CCDC3: variants seen among roughly 807,000 people sequenced by gnomAD.
CCDC3 encodes coiled-coil domain containing 3.
In CCDC3, 24 loss-of-function variants were observed where a neutral mutation model predicts 21.4. The ratio of observed to expected loss-of-function variants is 1.12; its 90% confidence interval spans 0.81 to 1.58. CCDC3 has a LOEUF of 1.58. Among genes scored for constraint, CCDC3 ranks in the 40% most tolerant of loss-of-function variants. The pLI is 0.00. For missense variants in CCDC3, 425 were observed against 360.9 expected (o/e 1.18, Z -1.44); for synonymous variants, 186 against 166.0 (o/e 1.12, Z -0.93).
chr10:12,954,846 T>A (rs985169102), intron 2 of CCDC3, among the ~76,000 whole-genome samples: 18 of 152,148 alleles, frequency 1.2e-4, no homozygotes, highest in African/African-American at 4.3e-4. Context: ...ATGAGCCCAG[T>A]TATAATCCAA....
intron 4 of CCDC3, among the ~76,000 whole-genome samples, chr10:13,057,528 C>CT (rs939410910): frequency 6.6e-6 from 1 of 151,942 alleles, no homozygotes; most frequent in African/African-American, 2.4e-5. Context: ...CTATTACTTG[C>CT]TTTTTTTCTT....
chr10:13,052,964 A>ACACT (rs1836629738), intron 4 of CCDC3, among the ~76,000 whole-genome samples: 1 of 127,700 alleles, frequency 7.8e-6, no homozygotes, highest in Non-Finnish European at 1.7e-5. Context: ...ACACACACAC[A>ACACT]CACACACACA....
At chr10:12,900,380 T>C (rs776101734) in intron 2 of CCDC3, among the ~76,000 whole-genome samples, 10 of 151,820 alleles carry the variant, frequency 6.6e-5, no homozygotes, top group Non-Finnish European at 1.3e-4. Flanking sequence ...TGCTTAGAAA[T>C]CTCCATCATT....
intron 2 of CCDC3, among the ~76,000 whole-genome samples, chr10:12,975,070 C>G (rs1835395790): frequency 6.6e-6 from 1 of 152,180 alleles, no homozygotes; most frequent in Non-Finnish European, 1.5e-5. Context: ...AGCCAGGAGT[C>G]TCGTCCATGC....
intron 2 of CCDC3, among the ~76,000 whole-genome samples, chr10:12,995,605 C>T (rs1835749091): frequency 6.6e-6 from 1 of 152,140 alleles, no homozygotes; most frequent in Non-Finnish European, 1.5e-5. Flanking sequence ...GGAGTAAAAA[C>T]GGCACAAGCA....
intron 5 of CCDC3, among the ~76,000 whole-genome samples, chr10:13,008,470 T>C (rs533604371): frequency 6.6e-6 from 1 of 152,174 alleles, no homozygotes; most frequent in South Asian, 2.1e-4. Flanking sequence ...AGCTATGGGA[T>C]GGGAGTAGTG....
chr10:13,041,889 A>G (rs11258154), intron 5 of CCDC3, among the ~76,000 whole-genome samples: 79,885 of 149,586 alleles, frequency 0.53, 21,984 homozygotes, highest in East Asian at 0.63. Flanking sequence ...AACCTACCAA[A>G]GTGCTGGGAT....
chr10:13,023,105 C>T (rs1027872060), intron 5 of CCDC3, among the ~76,000 whole-genome samples: 1 of 151,216 alleles, frequency 6.6e-6, no homozygotes, highest in African/African-American at 2.4e-5. Context: ...TTGCACAAAA[C>T]AGCCCTTTTC....
chr10:12,899,089 G>T (rs1231731529), intron 2 of CCDC3, among the ~76,000 whole-genome samples: 1 of 152,042 alleles, frequency 6.6e-6, no homozygotes, highest in African/African-American at 2.4e-5. Context: ...ACTTACATTC[G>T]CGAAGGCTCT....
At chr10:12,996,035 T>A (rs1019356940) in intron 2 of CCDC3, among the ~76,000 whole-genome samples, 2 of 152,142 alleles carry the variant, frequency 1.3e-5, no homozygotes, top group Admixed American at 6.5e-5. Flanking sequence ...TATATAGTCA[T>A]ATAAACAAAG....
At chr10:13,060,154 CAAA>C (rs1439890412) in intron 4 of CCDC3, among the ~76,000 whole-genome samples, 1 of 89,988 alleles carries the variant, frequency 1.1e-5, no homozygotes, top group African/African-American at 5.9e-5. Flanking sequence ...TCATCAGAAA[CAAA>C]ACAAAACAAA....
intron 4 of CCDC3, among the ~76,000 whole-genome samples, chr10:13,069,192 T>C (rs1836855395): frequency 6.6e-6 from 1 of 152,162 alleles, no homozygotes; most frequent in Non-Finnish European, 1.5e-5. Flanking sequence ...GAGGCAGAGG[T>C]TGCGGTGAGC....
intron 2 of CCDC3, among the ~76,000 whole-genome samples, chr10:12,919,639 A>C (rs536574846): frequency 6.6e-6 from 1 of 152,000 alleles, no homozygotes; most frequent in South Asian, 2.1e-4. Context: ...ACACTCTTTA[A>C]AGGGATTATC....
At chr10:12,915,959 ACCTGGAGCCATGGGGGCTAG>A (rs1393609112) in intron 2 of CCDC3, among the ~76,000 whole-genome samples, 1 of 152,018 alleles carries the variant, frequency 6.6e-6, no homozygotes, top group Non-Finnish European at 1.5e-5. Flanking sequence ...GAGCCTGGGT[ACCTGGAGCCATGGGGGCTAG>A]TCTGGAGCCT....
At chr10:13,068,619 G>C (rs1217449077) in intron 4 of CCDC3, among the ~76,000 whole-genome samples, 1 of 152,140 alleles carries the variant, frequency 6.6e-6, no homozygotes, top group African/African-American at 2.4e-5. Context: ...TGAACAGTTT[G>C]ACTTGCCTGC....
intron 4 of CCDC3, chr10:13,058,497 G>A: frequency 1.3e-6 from 1 of 749,210 alleles, no homozygotes; most frequent in Non-Finnish European, 2.4e-6. Flanking sequence ...TCTGACAAAT[G>A]ATATCTCTGT....
At chr10:12,916,078 G>A (rs1235146428) in intron 2 of CCDC3, among the ~76,000 whole-genome samples, 1 of 151,972 alleles carries the variant, frequency 6.6e-6, no homozygotes, top group Non-Finnish European at 1.5e-5. Flanking sequence ...CCCCTGGTCT[G>A]CTGGAGAATA....
In CCDC3 at chr10:13,022,792, G is replaced by A. The variant is rs150497852; in HGVS notation, c.-1-24280C>T. ...TATGTATCTCACCAATATTATAGCA[G>A]ATAATAAATTCAAGTAGAGTGGAAG... On this transcript the variant is annotated intron_variant, in intron 5 of 6. Coordinates refer to the CCDC3 transcript ENST00000378839. Among the ~76,000 whole-genome samples, 1,311 of 152,242 alleles carry A rather than the reference G, an allele frequency of 8.6e-3. 12 individuals are homozygous for A. The highest frequency in any genetic ancestry group is 0.014 in the Non-Finnish European group (948 of 68,022).
intron 5 of CCDC3, among the ~76,000 whole-genome samples, chr10:13,041,763 C>T (rs943436064): frequency 6.6e-6 from 1 of 151,934 alleles, no homozygotes; most frequent in East Asian, 1.9e-4. Context: ...GCTGGGATTA[C>T]AGGTGTGAAC....
Sources: allele counts gnomAD v4.1 joint callset (sites outside exome capture counted in the v4.1 genomes callset), GRCh38; gene constraint gnomAD v4.1.1; transcripts MANE v1.5; gene names NCBI Gene and HGNC (gene_info 2026-07-23, HGNC 2026-07-21).